The following PHACTR3 variants were observed in gnomAD, a reference collection of about 807,000 sequenced individuals.
PHACTR3 encodes the protein phosphatase and actin regulator 3.
Under a neutral mutation model 66.8 loss-of-function variants are expected in PHACTR3, and 16 were observed. The ratio of observed to expected loss-of-function variants is 0.24; its 90% CI spans 0.16 to 0.36. The LOEUF is 0.36. PHACTR3 is among the 10% of genes least tolerant of loss of function. The pLI, the probability that PHACTR3 is intolerant of heterozygous loss-of-function variation, is 1.00. For missense variants in PHACTR3, 647 were observed against 719.9 expected (o/e 0.90, Z 1.16); for synonymous variants, 323 against 292.1 (o/e 1.11, Z -1.08).
Position 59,820,865 on chromosome 20 carries a change from G to A in PHACTR3, c.1328+14671G>A, listed in dbSNP as rs1168275203. 1.3e-5 allele frequency among the ~76,000 whole-genome samples: 2 copies of A among 152,236 alleles called. No individual in the cohort carries two copies. The highest frequency in any genetic ancestry group is 2.9e-5 in the Non-Finnish European group (2 of 68,042). On this transcript the variant is annotated intron_variant, in intron 8 of 12. Transcript: ENST00000371015. This position sits in a 1 kb window ranked among gnomAD's most constrained non-coding sequence, Gnocchi z 4.6. Reference sequence around the variant, plus strand: ...GGACTTGGAGGCTGCCTGGCTGAGAGCCATGGGCTGAGTGAGCCCAGGGAA... The same window carrying A: ...GGACTTGGAGGCTGCCTGGCTGAGAACCATGGGCTGAGTGAGCCCAGGGAA...
At chr20:59,847,057 T>A (rs2059163993) in intron 12 of PHACTR3, 58 bp from the exon 13 acceptor site, 1 of 1,238,354 alleles carries the variant, frequency 8.1e-7, no homozygotes, top group Non-Finnish European at 1.2e-6. Context: ...GGTTTTTGGC[T>A]ATTTTAACTG....
chr20:59,648,505 AC>A (rs1385060923), intron 1 of PHACTR3, among the ~76,000 whole-genome samples: 1 of 152,320 alleles, frequency 6.6e-6, no homozygotes, highest in East Asian at 1.9e-4. Flanking sequence ...TCTTTAAAAA[AC>A]ATCTTTAAAA....
intron 8 of PHACTR3, among the ~76,000 whole-genome samples, chr20:59,815,494 G>A (rs979917487): frequency 2.8e-5 from 4 of 144,314 alleles, no homozygotes; most frequent in East Asian, 2.1e-4. Context: ...GCGTGATCTC[G>A]GCTCACTGTA....
chr20:59,604,452 G>A (rs569127150), upstream of PHACTR3: 539 of 267,262 alleles, frequency 2.0e-3, no homozygotes, highest in Admixed American at 3.6e-3. Flanking sequence ...GCCTTCTCAC[G>A]CCCCTCTCCC....
chr20:59,741,111 C>G lies in PHACTR3; in HGVS notation c.119-1996C>G, dbSNP rs140022798. ...CTCTCTGACAAAGGTGACCTCCTTC[C>G]TCAGGTGAGCCCTTGTGTTAGCCAC... On this transcript the variant is annotated intron_variant, in intron 1 of 12. Transcript: ENST00000371015. Among the ~76,000 whole-genome samples the G allele has an allele frequency of 7.9e-5, 12 of 152,366 alleles. No homozygotes were observed. The East Asian group carries it at 2.1e-3, about 27-fold the overall frequency.
intron 1 of PHACTR3, among the ~76,000 whole-genome samples, chr20:59,719,842 G>C (rs2038227469): frequency 6.6e-6 from 1 of 152,208 alleles, no homozygotes; most frequent in Non-Finnish European, 1.5e-5. Context: ...GAAAGGCTTG[G>C]AGGGCCCTGG....
At chr20:59,695,659 T>C (rs975934733) in intron 1 of PHACTR3, among the ~76,000 whole-genome samples, 1 of 152,156 alleles carries the variant, frequency 6.6e-6, no homozygotes, top group African/African-American at 2.4e-5. Flanking sequence ...GGCATTTTTC[T>C]CTTCACCGCT....
intron 8 of PHACTR3, among the ~76,000 whole-genome samples, chr20:59,822,471 A>C (rs987966434): frequency 6.6e-6 from 1 of 150,602 alleles, no homozygotes; most frequent in African/African-American, 2.5e-5. Flanking sequence ...CACATGTGGA[A>C]TATGTGGCTA....
intron 8 of PHACTR3, among the ~76,000 whole-genome samples, chr20:59,817,499 GA>G (rs2041919932): frequency 6.6e-6 from 1 of 152,280 alleles, no homozygotes; most frequent in Non-Finnish European, 1.5e-5. Flanking sequence ...TTATCGGAAT[GA>G]GTAAGACCAA....
upstream of PHACTR3, chr20:59,603,813 C>G (rs1014399056): frequency 6.5e-6 from 1 of 152,948 alleles, no homozygotes; most frequent in African/African-American, 2.4e-5. Context: ...ATTCCACCCC[C>G]GTCTCTACCC....
In PHACTR3 at chr20:59,806,148, GAAGA is replaced by G. The variant is rs774004685; in HGVS notation, c.1287_1290del (p.Glu429AspfsTer10). On this transcript the variant is annotated frameshift_variant, in exon 8 of 13. Coordinates refer to ENST00000371015, the MANE Select transcript of PHACTR3 (RefSeq NM_080672.5). LOFTEE classifies it high-confidence loss of function. ...GAACATTTTCCCCAGAAGGACTGAT[GAAGA>G]AAGACAGGAGATCCGGCAGCAGATC... The G allele has an allele frequency of 6.2e-7, 1 of 1,614,250 alleles. No homozygotes were observed. The highest frequency in any genetic ancestry group is 8.5e-7 in the Non-Finnish European group (1 of 1,180,046).
intron 3 of PHACTR3, among the ~76,000 whole-genome samples, chr20:59,750,092 T>C (rs1377089709): frequency 1.3e-5 from 2 of 152,136 alleles, no homozygotes; most frequent in Non-Finnish European, 2.9e-5. Context: ...GTGAGCAAAA[T>C]ACTGTTCTGA....
chr20:59,770,197 G>T (rs2040315413), intron 5 of PHACTR3, among the ~76,000 whole-genome samples: 1 of 152,210 alleles, frequency 6.6e-6, no homozygotes, highest in African/African-American at 2.4e-5. Context: ...CAGTTGCAAG[G>T]ACATCAGGGG....
Position 59,628,534 on chromosome 20 carries a change from G to A in PHACTR3, c.118+23402G>A, listed in dbSNP as rs553394863. 1.3e-4 allele frequency: 99 copies of A among 756,042 alleles called. No homozygotes were observed. The African/African-American group carries it at 1.8e-3, about 13-fold the overall frequency. The allele number at this position is 756,042 out of a possible 1,614,324, so 46.8% of individuals were successfully genotyped here. ...CAGCCGTGCATGGGGCCACGTGCAG[G>A]CATTTCTGGCTCCTGGCTCCCAGGG... On this transcript the variant is annotated intron_variant, in intron 1 of 12. Coordinates refer to ENST00000371015, the MANE Select transcript of PHACTR3 (RefSeq NM_080672.5).
intron 9 of PHACTR3, among the ~76,000 whole-genome samples, chr20:59,839,146 TA>T (rs1482624070): frequency 2.0e-5 from 3 of 152,190 alleles, no homozygotes; most frequent in Non-Finnish European, 4.4e-5. Flanking sequence ...TTACGTCACG[TA>T]AATCCCTCAT....
intron 1 of PHACTR3, among the ~76,000 whole-genome samples, chr20:59,670,995 C>G (rs1481206338): frequency 6.6e-6 from 1 of 152,206 alleles, no homozygotes; most frequent in Non-Finnish European, 1.5e-5. Context: ...TGTGCGCATG[C>G]TTTCTCAGCA....
chr20:59,603,927 C>T (rs1219508456), upstream of PHACTR3: 2 of 152,430 alleles, frequency 1.3e-5, no homozygotes, highest in African/African-American at 2.4e-5. Flanking sequence ...CGCTCCTTAG[C>T]ACCCTGGAGG....
At chr20:59,629,293 G>A (rs2034578536) in intron 1 of PHACTR3, among the ~76,000 whole-genome samples, 2 of 152,202 alleles carry the variant, frequency 1.3e-5, no homozygotes, top group Non-Finnish European at 2.9e-5. Context: ...TGGTGCCTGT[G>A]GAGGCTCAAG....
At chr20:59,672,628 G>A (rs1245315588) in intron 1 of PHACTR3, among the ~76,000 whole-genome samples, 3 of 152,170 alleles carry the variant, frequency 2.0e-5, no homozygotes, top group Non-Finnish European at 4.4e-5. Context: ...GTCTGCACTC[G>A]GCACATGGAA....
Sources: allele counts gnomAD v4.1 joint callset (sites outside exome capture counted in the v4.1 genomes callset), GRCh38; gene constraint gnomAD v4.1.1; non-coding constraint Gnocchi (gnomAD v3.1); transcripts MANE v1.5; gene names NCBI Gene and HGNC (gene_info 2026-07-23, HGNC 2026-07-21).